Variants in PCDHGB3 observed in about 807,000 individuals in gnomAD.
PCDHGB3 encodes protocadherin gamma-B3.
Under a neutral mutation model 59.2 loss-of-function variants are expected in PCDHGB3, and 40 were observed. That is an observed-to-expected ratio of 0.68 (90% CI 0.52 to 0.88). PCDHGB3 has a LOEUF of 0.88. PCDHGB3 is among the 40% of genes least tolerant of loss of function. The probability of loss-of-function intolerance (pLI) is 0.00; values close to 1 mark genes in which losing one functional copy is unlikely to be tolerated. For missense variants in PCDHGB3, 1,309 were observed against 1,187.9 expected (o/e 1.10, Z -1.50); for synonymous variants, 581 against 503.6 (o/e 1.15, Z -2.06).
At chr5:141,402,934 A>G in intron 1 of PCDHGB3, 1 of 1,586,622 alleles carries the variant, frequency 6.3e-7, no homozygotes, top group Non-Finnish European at 8.6e-7. Flanking sequence ...TTTTGAGAAA[A>G]TTCCAAAGCG....
chr5:141,383,387 G>A lies in PCDHGB3; in HGVS notation c.2415+10578G>A, dbSNP rs1779095569. ...AGCGAGGCTGGGGATCCAGATGTGG[G>A]CACGAACTCCCTCCAGAGTTACCAG... is the stretch of plus-strand genomic sequence containing the variant. On this transcript the variant is annotated intron_variant, in intron 1 of 3. Coordinates refer to ENST00000576222, the MANE Select transcript of PCDHGB3 (RefSeq NM_018924.5). 3.7e-6 allele frequency: 6 copies of A among 1,614,010 alleles called. No individual in the cohort carries two copies. The East Asian group carries it at 1.3e-4, about 36-fold the overall frequency.
At chr5:141,497,839 A>G (rs1399696596) in intron 2 of PCDHGB3, among the ~76,000 whole-genome samples, 1 of 152,044 alleles carries the variant, frequency 6.6e-6, no homozygotes, top group East Asian at 1.9e-4. Flanking sequence ...CCCGGCCACA[A>G]CAAACATTTT....
chr5:141,409,809 A>T (rs754765049), intron 1 of PCDHGB3: 62 of 1,611,424 alleles, frequency 3.8e-5, no homozygotes, highest in Non-Finnish European at 7.6e-6. Context: ...CAGGCCCGCG[A>T]CCACGGCTCG....
At chr5:141,388,721 C>A (rs373386803) in intron 1 of PCDHGB3, 33 of 1,613,884 alleles carry the variant, frequency 2.0e-5, no homozygotes, top group Non-Finnish European at 2.7e-5. Context: ...AGATTACTTT[C>A]TCTTTCAGTG....
intron 1 of PCDHGB3, chr5:141,390,167 G>A: frequency 6.2e-7 from 1 of 1,614,028 alleles, no homozygotes; most frequent in Non-Finnish European, 8.5e-7. Context: ...GAAAGACGGA[G>A]TTTAATTTCC....
At chr5:141,453,178 A>G (rs939398654) in intron 1 of PCDHGB3, among the ~76,000 whole-genome samples, 1 of 152,128 alleles carries the variant, frequency 6.6e-6, no homozygotes, top group African/African-American at 2.4e-5. Flanking sequence ...CAGTGGTACA[A>G]TCACAGCTCA....
At chr5:141,443,872 A>G (rs1446612063) in intron 1 of PCDHGB3, among the ~76,000 whole-genome samples, 1 of 152,212 alleles carries the variant, frequency 6.6e-6, no homozygotes, top group South Asian at 2.1e-4. Context: ...AAAATTACTG[A>G]TAAGTCAAGA....
chr5:141,489,971 C>A lies in PCDHGB3; in HGVS notation c.2416-4836C>A, dbSNP rs1254025468. 1 of 1,614,060 alleles carries A rather than the reference C, an allele frequency of 6.2e-7. No homozygotes were observed. The highest frequency in any genetic ancestry group is 1.3e-5 in the African/African-American group (1 of 74,944). Reference sequence around the variant, plus strand: ...AATGATAATGCTCCAACCTTCCAATCCTCAGTTCTACGTGTGGGAATCCCA... The same window carrying A: ...AATGATAATGCTCCAACCTTCCAATACTCAGTTCTACGTGTGGGAATCCCA... On this transcript the variant is annotated intron_variant, in intron 1 of 3. Transcript: ENST00000576222. The surrounding 1 kb of genome is among the most constrained non-coding windows in gnomAD (Gnocchi z 4.5).
At chr5:141,421,017 T>TGC (rs1489188484) in intron 1 of PCDHGB3, 1 of 518,776 alleles carries the variant, frequency 1.9e-6, no homozygotes, top group African/African-American at 2.0e-5. Flanking sequence ...AATGGGAAGC[T>TGC]GCGCGCCATT....
rs778851755 is a variant in PCDHGB3, at chr5:141,477,795, G to A, written c.2416-17012G>A. ...AGCGTGAACATATTTGTCACTGATC[G>A]CAATGACAATGCCCCCCAGGTCCTA... On this transcript the variant is annotated intron_variant, in intron 1 of 3. Coordinates refer to ENST00000576222, the MANE Select transcript of PCDHGB3 (RefSeq NM_018924.5). This position sits in a 1 kb window ranked among gnomAD's most constrained non-coding sequence, Gnocchi z 4.9. The A allele has an allele frequency of 3.1e-6, 5 of 1,613,946 alleles. No individual in the cohort carries two copies. In the African/African-American group the frequency reaches 6.7e-5, roughly 22 times the overall value.
intron 1 of PCDHGB3, chr5:141,404,265 T>A: frequency 6.2e-7 from 1 of 1,613,998 alleles, no homozygotes; most frequent in Non-Finnish European, 8.5e-7. Context: ...GAAATTCACA[T>A]CACCCTGCAA....
intron 1 of PCDHGB3, chr5:141,403,541 G>A (rs1332209242): frequency 6.2e-7 from 1 of 1,614,016 alleles, no homozygotes. Context: ...GCTGGTGCTG[G>A]AGCGCGCCCT....
intron 1 of PCDHGB3, chr5:141,422,419 A>G (rs1318381358): frequency 8.7e-6 from 14 of 1,607,158 alleles, no homozygotes; most frequent in Non-Finnish European, 1.2e-5. Context: ...ATTAGAAAAG[A>G]CTTATGGAAA....
Position 141,476,698 on chromosome 5 carries a change from G to T in PCDHGB3, c.2416-18109G>T. The T allele has an allele frequency of 4.3e-6, 7 of 1,614,056 alleles. No homozygotes were observed. Among genetic ancestry groups the T allele is most frequent in the Non-Finnish European group, 5.9e-6 (7 of 1,179,986 alleles). ...CGCGGGAGGACAGCACCAAGTACGC[G>T]GAGCTGGTGTTGGAGCGCGCCCTGG... On this transcript the variant is annotated intron_variant, in intron 1 of 3. Coordinates refer to ENST00000576222, the MANE Select transcript of PCDHGB3 (RefSeq NM_018924.5). The surrounding 1 kb of genome is among the most constrained non-coding windows in gnomAD (Gnocchi z 7.6).
chr5:141,421,709 C>T, intron 1 of PCDHGB3: 1 of 1,613,926 alleles, frequency 6.2e-7, no homozygotes, highest in Non-Finnish European at 8.5e-7. Flanking sequence ...GCTAGGGATC[C>T]AGATGTGGGC....
intron 3 of PCDHGB3, among the ~76,000 whole-genome samples, chr5:141,509,022 C>G (rs2099873807): frequency 6.6e-6 from 1 of 152,206 alleles, no homozygotes; most frequent in East Asian, 1.9e-4. Context: ...CAGCTGCTCC[C>G]TCCCACTCAA....
chr5:141,433,358 C>CCTATCTATCTATCTATCTAT (rs3074541), intron 1 of PCDHGB3: 39 of 504,044 alleles, frequency 7.7e-5, no homozygotes, highest in Admixed American at 1.8e-4. Context: ...CTACTGTCTG[C>CCTATCTATCTATCTATCTAT]CTATCTATCT....
intron 1 of PCDHGB3, chr5:141,389,244 T>C: frequency 6.2e-7 from 1 of 1,614,036 alleles, no homozygotes; most frequent in Non-Finnish European, 8.5e-7. Context: ...CTCACAGTCT[T>C]CCTATATAGT....
chr5:141,400,476 C>T (rs2094027348), intron 1 of PCDHGB3: 2 of 1,613,846 alleles, frequency 1.2e-6, no homozygotes, highest in African/African-American at 2.7e-5. Context: ...CATCTGGGGC[C>T]TTATTTCCAC....
Sources: allele counts gnomAD v4.1 joint callset (sites outside exome capture counted in the v4.1 genomes callset), GRCh38; gene constraint gnomAD v4.1.1; non-coding constraint Gnocchi (gnomAD v3.1); transcripts MANE v1.5; gene names NCBI Gene and HGNC (gene_info 2026-07-23, HGNC 2026-07-21).